SHANK2: variants seen among roughly 807,000 people sequenced by gnomAD.
SHANK2 encodes the protein SH3 and multiple ankyrin repeat domains 2.
Under a neutral mutation model 133.7 loss-of-function variants are expected in SHANK2, and 43 were observed. The ratio of observed to expected loss-of-function variants is 0.32; its 90% CI spans 0.25 to 0.41. The LOEUF (loss-of-function observed/expected upper bound fraction) is 0.41. SHANK2 is among the 10% of genes least tolerant of loss of function. SHANK2 has a pLI of 1.00. For synonymous variants in SHANK2, 1,017 were observed against 952.8 expected (o/e 1.07, Z -1.24); for missense variants, 1,994 against 2,235.8 (o/e 0.89, Z 2.18).
intron 11 of SHANK2, among the ~76,000 whole-genome samples, chr11:70,892,829 C>A (rs1555074969): frequency 6.6e-6 from 1 of 152,154 alleles, no homozygotes; most frequent in Admixed American, 6.5e-5. Context: ...AATACATGAA[C>A]TGCTTCATAA....
In SHANK2 at chr11:70,812,821, G is replaced by C. The variant is rs533332668; in HGVS notation, c.1494-5650C>G. 2.0e-5 allele frequency among the ~76,000 whole-genome samples: 3 copies of C among 152,236 alleles called. No homozygotes were observed. In the South Asian group the frequency reaches 6.2e-4, roughly 32 times the overall value. On this transcript the variant is annotated intron_variant, in intron 12 of 25. Transcript: ENST00000601538. ...CTGTCCATGTTTTCCTTATGTTCTGGCCAAGAACAGCCAGGAGGGATTCTA... is the reference window on the plus strand; with the variant it reads ...CTGTCCATGTTTTCCTTATGTTCTGCCCAAGAACAGCCAGGAGGGATTCTA...
intron 9 of SHANK2, among the ~76,000 whole-genome samples, chr11:71,070,792 C>G (rs1951132987): frequency 6.6e-6 from 1 of 152,268 alleles, no homozygotes; most frequent in Non-Finnish European, 1.5e-5. Flanking sequence ...ATGCGACACG[C>G]AAAGCCTAAA....
chr11:70,526,053 G>A (rs1347385361), intron 17 of SHANK2, among the ~76,000 whole-genome samples: 1 of 137,254 alleles, frequency 7.3e-6, no homozygotes, highest in African/African-American at 2.8e-5. Context: ...CATTAAAACA[G>A]AGATCCGGAG....
chr11:70,506,604 G>C (rs1258358297), intron 17 of SHANK2, among the ~76,000 whole-genome samples: 1 of 152,128 alleles, frequency 6.6e-6, no homozygotes, highest in African/African-American at 2.4e-5. Context: ...CAGGTCTTTC[G>C]GGGTCATGAG....
chr11:70,489,961 G>A, intron 23 of SHANK2: 1 of 337,816 alleles, frequency 3.0e-6, no homozygotes, highest in Non-Finnish European at 5.9e-6. Context: ...AGGGGGGTTG[G>A]CTCGCACCAC....
At chr11:71,173,976 T>G (rs1256406685) in intron 2 of SHANK2, among the ~76,000 whole-genome samples, 1 of 152,234 alleles carries the variant, frequency 6.6e-6, no homozygotes, top group Admixed American at 6.5e-5. Context: ...CCTCCAGAAC[T>G]GTGGGAGTAA....
chr11:71,067,380 G>A (rs1278133530), intron 9 of SHANK2, among the ~76,000 whole-genome samples: 1 of 152,122 alleles, frequency 6.6e-6, no homozygotes, highest in Non-Finnish European at 1.5e-5. Context: ...AACTTGCTTC[G>A]CTCCTTCATC....
intron 3 of SHANK2, among the ~76,000 whole-genome samples, chr11:71,123,030 C>T (rs1234853366): frequency 1.3e-5 from 2 of 152,160 alleles, no homozygotes; most frequent in Admixed American, 6.5e-5. Flanking sequence ...CTCAGCAGGT[C>T]GAGCATTCCC....
intron 15 of SHANK2, among the ~76,000 whole-genome samples, chr11:70,690,393 G>A (rs1555020659): frequency 6.7e-6 from 1 of 149,066 alleles, no homozygotes; most frequent in African/African-American, 2.5e-5. Flanking sequence ...TCATTGGGTT[G>A]TGATACTATT....
chr11:70,820,486 G>A lies in SHANK2; in HGVS notation c.1371C>T (p.Pro457=), dbSNP rs782397098. 203 of 716,764 alleles carry A rather than the reference G, an allele frequency of 2.8e-4. No homozygotes were observed. Among genetic ancestry groups the A allele is most frequent in the Non-Finnish European group, 4.3e-4 (164 of 384,700 alleles). The allele number at this position is 716,764 out of a possible 1,614,324, so 44.4% of individuals were successfully genotyped here. A position where few individuals can be genotyped will look rare whatever the true frequency, so the allele number is the denominator to read the frequency against. ...PQLLQQMPSK[P]EGAAKTIGSY... ...TCCCAATGGTCTTCGCGGCCCCCTCGGGCTTGCTGGGCATCTGCTGCAGCA... is the reference window on the plus strand; with the variant it reads ...TCCCAATGGTCTTCGCGGCCCCCTCAGGCTTGCTGGGCATCTGCTGCAGCA... Residue 457 remains proline, a synonymous_variant, in exon 12 of 26, where the codon CCC becomes CCT. Transcript: ENST00000601538.
At chr11:70,545,121 C>T (rs2059673218) in intron 17 of SHANK2, among the ~76,000 whole-genome samples, 1 of 152,282 alleles carries the variant, frequency 6.6e-6, no homozygotes, top group Non-Finnish European at 1.5e-5. Flanking sequence ...GCTCTGATTC[C>T]CCGATCACCA....
rs71049937 is a variant in SHANK2, at chr11:70,753,811, A to ACTGTGTGTGTGTGTGTGTGTGTGTGTGT, written c.1777+44631_1777+44632insACACACACACACACACACACACACACAG. ...TGTCTTACATCTATTAAAGATATTA[A>ACTGTGTGTGTGTGTGTGTGTGTGTGTGT]GTGTGTGTGTGTGTGTTTGAGACAG... On this transcript the variant is annotated intron_variant, in intron 14 of 25. Transcript: ENST00000601538. 2.5e-3 allele frequency among the ~76,000 whole-genome samples: 359 copies of ACTGTGTGTGTGTGTGTGTGTGTGTGTGT among 144,776 alleles called. 26 individuals carry two copies. The highest frequency in any genetic ancestry group is 0.014 in the South Asian group (65 of 4,594). The allele number at this position is 144,776 out of a possible 152,430, so 95.0% of individuals were successfully genotyped here. A position where few individuals can be genotyped will look rare whatever the true frequency, so the allele number is the denominator to read the frequency against.
intron 6 of SHANK2, among the ~76,000 whole-genome samples, chr11:71,101,369 C>A (rs538678251): frequency 3.3e-5 from 5 of 152,286 alleles, no homozygotes; most frequent in Non-Finnish European, 7.4e-5. Context: ...GCAGTGTGTA[C>A]ATAGAAAAAC....
rs1332154151 is a variant in SHANK2 at position 70,472,264 on chromosome 11, G to A, written c.*605C>T. The stretch of plus-strand genomic sequence containing the variant: ...AGAGCCATGGATGCAAACCACAGGA[G>A]GAGATGGGGAAAAGAATCTGTGTAG... On this transcript the variant is annotated 3_prime_UTR_variant, in exon 26 of 26. Coordinates refer to ENST00000601538, the MANE Select transcript of SHANK2 (RefSeq NM_012309.5). This position sits in a 1 kb window ranked among gnomAD's most constrained non-coding sequence, Gnocchi z 4.4. 1 of 155,340 alleles carries A rather than the reference G, an allele frequency of 6.4e-6. No individual in the cohort carries two copies. The highest frequency in any genetic ancestry group is 1.4e-5 in the Non-Finnish European group (1 of 70,022). 9.6% of individuals were successfully genotyped at this position (155,340 alleles called of 1,614,324 possible). A position where few individuals can be genotyped will look rare whatever the true frequency, so the allele number is the denominator to read the frequency against.
rs1555154449 is a variant in SHANK2 at position 70,487,408 on chromosome 11, T to G, written c.2885A>C (p.Asp962Ala). 1 of 1,613,974 alleles carries G rather than the reference T, an allele frequency of 6.2e-7. No individual in the cohort carries two copies. The highest frequency in any genetic ancestry group is 2.2e-5 in the East Asian group (1 of 44,860). ...FRRELDRYSL[D>A]SEDLYSRNAG... Reference sequence around the variant, plus strand: ...ATTCCGACTGTAGAGGTCTTCAGAGTCCAAGGAGTAGCGGTCCAGCTCTCT... The same window carrying G: ...ATTCCGACTGTAGAGGTCTTCAGAGGCCAAGGAGTAGCGGTCCAGCTCTCT... Residue 962 changes from aspartate (D) to alanine (A), a missense_variant, in exon 25 of 26, where the codon GAC (aspartate) becomes GCC (alanine). Transcript: ENST00000601538. The surrounding 1 kb of genome is among the most constrained non-coding windows in gnomAD (Gnocchi z 5.8).
chr11:70,623,037 A>C (rs550954219), intron 17 of SHANK2, among the ~76,000 whole-genome samples: 1 of 152,232 alleles, frequency 6.6e-6, no homozygotes, highest in Non-Finnish European at 1.5e-5. Flanking sequence ...TTAGCCAGGC[A>C]TGGTGGCACA....
At chr11:71,205,515 C>A (rs1338123226) in intron 2 of SHANK2, among the ~76,000 whole-genome samples, 3 of 152,226 alleles carry the variant, frequency 2.0e-5, no homozygotes, top group African/African-American at 7.2e-5. Context: ...GCCAGGAGAC[C>A]CACGTGCCAG....
chr11:70,525,431 C>G (rs1268334933), intron 17 of SHANK2, among the ~76,000 whole-genome samples: 2 of 152,270 alleles, frequency 1.3e-5, no homozygotes, highest in Non-Finnish European at 2.9e-5. Context: ...GGTCTGTGAA[C>G]CCCAGCCAGC....
chr11:71,207,369 A>T (rs1416184189), intron 2 of SHANK2, among the ~76,000 whole-genome samples: 2 of 152,092 alleles, frequency 1.3e-5, no homozygotes, highest in African/African-American at 4.8e-5. Context: ...TAGTAGAGAC[A>T]GGGTTTCACG....
Sources: allele counts gnomAD v4.1 joint callset (sites outside exome capture counted in the v4.1 genomes callset), GRCh38; gene constraint gnomAD v4.1.1; non-coding constraint Gnocchi (gnomAD v3.1); transcripts MANE v1.5; gene names NCBI Gene and HGNC (gene_info 2026-07-23, HGNC 2026-07-21).